CCSER1: variants seen among roughly 807,000 people sequenced by gnomAD.
CCSER1 encodes the protein coiled-coil serine rich protein 1, also known as serine-rich coiled-coil domain-containing protein 1.
CCSER1 carries 41 observed loss-of-function variants against 82.0 expected under a neutral mutation model. The observed-to-expected ratio is 0.50, with a 90% CI of 0.39 to 0.65. The LOEUF is 0.65. Among genes scored for constraint, CCSER1 ranks in the 30% least tolerant of loss-of-function variants. The pLI, the probability that CCSER1 is intolerant of heterozygous loss-of-function variation, is 0.00. For missense variants in CCSER1, 1,119 were observed against 1,064.2 expected, an observed-to-expected ratio of 1.05 and a Z score of -0.72; for synonymous variants, 414 against 383.9, an observed-to-expected ratio of 1.08 and a Z score of -0.92.
chr4:91,213,856 G>T (rs72669289), intron 10 of CCSER1, among the ~76,000 whole-genome samples: 1 of 151,960 alleles, frequency 6.6e-6, no homozygotes, highest in Non-Finnish European at 1.5e-5. Flanking sequence ...TCTGGACCAC[G>T]ACATTGTTGT....
intron 5 of CCSER1, among the ~76,000 whole-genome samples, chr4:90,583,558 A>G (rs552315914): frequency 2.0e-4 from 30 of 152,270 alleles, no homozygotes; most frequent in African/African-American, 7.2e-4. Flanking sequence ...AAAAAGGAAA[A>G]ATATGCTTTC....
At chr4:90,934,802 A>C (rs147633930) in intron 9 of CCSER1, among the ~76,000 whole-genome samples, 1 of 152,092 alleles carries the variant, frequency 6.6e-6, no homozygotes, top group Non-Finnish European at 1.5e-5. Flanking sequence ...ATGGTGGCAC[A>C]TGCCTGTAAT....
intron 1 of CCSER1, among the ~76,000 whole-genome samples, chr4:90,202,630 A>G (rs1443527307): frequency 2.0e-5 from 3 of 152,254 alleles, no homozygotes; most frequent in Non-Finnish European, 4.4e-5. Context: ...GCTTGAGAGC[A>G]CTGCTCTAAT....
chr4:91,471,464 G>A (rs1757270208), intron 10 of CCSER1, among the ~76,000 whole-genome samples: 1 of 152,124 alleles, frequency 6.6e-6, no homozygotes, highest in Non-Finnish European at 1.5e-5. Context: ...GCGCTGGATG[G>A]ATCTGGATGT....
chr4:90,343,152 C>A (rs1741723851), intron 3 of CCSER1, among the ~76,000 whole-genome samples: 1 of 152,142 alleles, frequency 6.6e-6, no homozygotes, highest in South Asian at 2.1e-4. Context: ...TCCTTGCTAT[C>A]TTGCAAACTT....
At chr4:91,055,295 T>A (rs1369846312) in intron 9 of CCSER1, among the ~76,000 whole-genome samples, 1 of 152,196 alleles carries the variant, frequency 6.6e-6, no homozygotes, top group African/African-American at 2.4e-5. Flanking sequence ...TTGATCCTTT[T>A]TAGTTGTTGA....
chr4:91,166,865 T>C (rs1732139831), intron 10 of CCSER1, among the ~76,000 whole-genome samples: 1 of 152,182 alleles, frequency 6.6e-6, no homozygotes, highest in South Asian at 2.1e-4. Flanking sequence ...AATAATTTTT[T>C]TTAAACCTGG....
intron 9 of CCSER1, among the ~76,000 whole-genome samples, chr4:90,980,154 A>G (rs1242758206): frequency 6.6e-6 from 1 of 151,886 alleles, no homozygotes; most frequent in African/African-American, 2.4e-5. Flanking sequence ...TTAAAGGGCA[A>G]GACCCTTAGG....
chr4:91,207,319 T>A (rs967761017), intron 10 of CCSER1, among the ~76,000 whole-genome samples: 22 of 151,088 alleles, frequency 1.5e-4, no homozygotes, highest in African/African-American at 5.3e-4. Context: ...TTAAGCATAA[T>A]TAAGCATAGT....
intron 10 of CCSER1, among the ~76,000 whole-genome samples, chr4:91,252,405 G>C (rs946846696): frequency 6.6e-6 from 1 of 151,994 alleles, no homozygotes; most frequent in Non-Finnish European, 1.5e-5. Context: ...AAAAAATAAA[G>C]ATTTAAATAA....
intron 10 of CCSER1, among the ~76,000 whole-genome samples, chr4:91,320,525 T>A (rs1746125474): frequency 6.6e-6 from 1 of 152,068 alleles, no homozygotes; most frequent in South Asian, 2.1e-4. Flanking sequence ...CTTGCTGTTT[T>A]CATTATTCAT....
chr4:91,109,656 G>C (rs1725930133), intron 10 of CCSER1, among the ~76,000 whole-genome samples: 1 of 152,070 alleles, frequency 6.6e-6, no homozygotes, highest in Admixed American at 6.6e-5. Context: ...TTGGCAACAA[G>C]AAAATGAATG....
At position 90,839,047 on chromosome 4, in the gene CCSER1, G is replaced by T. The variant is rs940334403; in HGVS notation, c.2094+23202G>T. 7 of 1,612,056 alleles carry T rather than the reference G, an allele frequency of 4.3e-6. No individual in the cohort carries two copies. In the East Asian group the frequency reaches 1.6e-4, roughly 36 times the overall value. On this transcript the variant is annotated intron_variant, in intron 8 of 10. Transcript: ENST00000509176. ...CGGGTTTGTCAGACATGGTTGCGGA[G>T]GAAAAGCGGAGCGAGGCGCGCGAGT... is the stretch of plus-strand genomic sequence containing the variant.
intron 10 of CCSER1, among the ~76,000 whole-genome samples, chr4:91,462,085 G>A (rs989382683): frequency 1.3e-5 from 2 of 152,132 alleles, no homozygotes; most frequent in African/African-American, 2.4e-5. Context: ...AAATGTTTAA[G>A]AGTGAAACTT....
intron 10 of CCSER1, among the ~76,000 whole-genome samples, chr4:91,175,576 A>G (rs1733247295): frequency 6.6e-6 from 1 of 152,136 alleles, no homozygotes; most frequent in South Asian, 2.1e-4. Flanking sequence ...ATGGGCAGTG[A>G]TGATGAGCAT....
At chr4:91,003,009 G>A (rs1738177894) in intron 9 of CCSER1, among the ~76,000 whole-genome samples, 1 of 152,128 alleles carries the variant, frequency 6.6e-6, no homozygotes, top group Non-Finnish European at 1.5e-5. Flanking sequence ...TGTAGTGATT[G>A]TTATCTCTCT....
chr4:90,428,037 G>A (rs1225457979), intron 4 of CCSER1, among the ~76,000 whole-genome samples: 1 of 151,760 alleles, frequency 6.6e-6, no homozygotes, highest in East Asian at 1.9e-4. Context: ...TCAAACAAGT[G>A]TTATAGATTG....
chr4:90,204,165 T>G (rs946910082), intron 1 of CCSER1, among the ~76,000 whole-genome samples: 14 of 152,232 alleles, frequency 9.2e-5, no homozygotes, highest in African/African-American at 3.4e-4. Flanking sequence ...GACGATAGTT[T>G]CTTTTGCTGT....
chr4:91,465,087 T>C (rs147742003), intron 10 of CCSER1, among the ~76,000 whole-genome samples: 2,443 of 152,224 alleles, frequency 0.016, 44 homozygotes, highest in African/African-American at 0.055. Context: ...TATTCCAAAA[T>C]TGACCGCATA....
Sources: allele counts gnomAD v4.1 joint callset (sites outside exome capture counted in the v4.1 genomes callset), GRCh38; gene constraint gnomAD v4.1.1; transcripts MANE v1.5; gene names NCBI Gene and HGNC (gene_info 2026-07-23, HGNC 2026-07-21).